CHRD: variants seen among roughly 807,000 people sequenced by gnomAD.
CHRD encodes the protein chordin.
In CHRD, 69 loss-of-function variants were observed where a neutral mutation model predicts 113.7. The observed-to-expected ratio is 0.61, with a 90% confidence interval of 0.50 to 0.74. The LOEUF is 0.74. Among genes scored for constraint, CHRD ranks in the 30% least tolerant of loss-of-function variants. The probability of loss-of-function intolerance (pLI) is 0.00; values close to 1 mark genes in which losing one functional copy is unlikely to be tolerated. For missense variants in CHRD, 1,194 were observed against 1,295.8 expected (o/e 0.92, Z 1.21); for synonymous variants, 561 against 540.8 (o/e 1.04, Z -0.52).
Position 184,388,871 on chromosome 3 carries a change from T to C in CHRD, c.2710-22T>C, listed in dbSNP as rs1020181514. ...CCCAGTGCCTCTGGGGGACACTCAG[T>C]GTCTGCTCTGTCTTGTACCAGGCAG... On this transcript the variant is annotated intron_variant, in intron 21 of 22. Transcript: ENST00000204604. The surrounding 1 kb of genome is among the most constrained non-coding windows in gnomAD (Gnocchi z 6.1). 3 of 1,609,234 alleles carry C rather than the reference T, an allele frequency of 1.9e-6. No individual in the cohort carries two copies. Among genetic ancestry groups the C allele is most frequent in the Non-Finnish European group, 2.6e-6 (3 of 1,176,326 alleles).
At position 184,387,537 on chromosome 3, in the gene CHRD, G is replaced by A; in HGVS notation, c.2451+60G>A. On this transcript the variant is annotated intron_variant, in intron 19 of 22. Transcript: ENST00000204604. The surrounding 1 kb of genome is among the most constrained non-coding windows in gnomAD (Gnocchi z 6.1). The stretch of plus-strand genomic sequence containing the variant: ...CAGCGGGGTCTGCAGAGATGGGGAG[G>A]GGCTGCCAGGTGAGGAAGGCCCGTC... The A allele has an allele frequency of 6.9e-7, 1 of 1,457,476 alleles. No homozygotes were observed. The highest frequency in any genetic ancestry group is 9.2e-7 in the Non-Finnish European group (1 of 1,086,498). The allele number at this position is 1,457,476 out of a possible 1,614,324, so 90.3% of individuals were successfully genotyped here.
Position 184,386,088 on chromosome 3 carries a change from C to T in CHRD, c.1861C>T (p.His621Tyr), listed in dbSNP as rs766916662. Residue 621 changes from histidine to tyrosine, a missense_variant, in exon 15 of 23, where the codon CAC (histidine) becomes TAC (tyrosine). His to Tyr is a moderately conservative substitution (Grantham distance 83). Transcript: ENST00000204604. Reference sequence around the variant, plus strand: ...GGACCTGGAGCCGGAACTGCTGCGGCACCTGGCAAAAGGCATGGCCTCCCT... The same window carrying T: ...GGACCTGGAGCCGGAACTGCTGCGGTACCTGGCAAAAGGCATGGCCTCCCT... The T allele has an allele frequency of 2.5e-6, 4 of 1,614,244 alleles. No individual in the cohort carries two copies. In the East Asian group the frequency reaches 6.7e-5, roughly 27 times the overall value.
chr3:184,386,038 A>G lies in CHRD; in HGVS notation c.1819-8A>G, dbSNP rs766872405. 1 of 1,614,044 alleles carries G rather than the reference A, an allele frequency of 6.2e-7. No homozygotes were observed. Among genetic ancestry groups the G allele is most frequent in the South Asian group, 1.1e-5 (1 of 91,064 alleles). ...CTTATTCCTATCCATTGTCCTGTCT[A>G]TGTGCAGGCCCAGGGTGTGGTGAAG... is the stretch of plus-strand genomic sequence containing the variant. On this transcript the variant is annotated splice_region_variant and splice_polypyrimidine_tract_variant and intron_variant, in intron 14 of 22. Coordinates refer to ENST00000204604, the Ensembl canonical transcript of CHRD.
chr3:184,388,594 G>A lies in CHRD; in HGVS notation c.2562G>A (p.Ser854=), dbSNP rs370030836. The change falls in exon 21 of 23, where the codon TCG becomes TCA. Residue 854 remains serine, a synonymous_variant. Transcript: ENST00000204604. This position sits in a 1 kb window ranked among gnomAD's most constrained non-coding sequence, Gnocchi z 6.1. ...CTCTTTCCCTCTCAACAGTGGGGTC[G>A]GGGGCCCACCCCCAGCTGGGGGACC... is the stretch of plus-strand genomic sequence containing the variant. 1.4e-5 allele frequency: 22 copies of A among 1,609,938 alleles called. No homozygotes were observed. The Admixed American group carries it at 2.2e-4, about 16-fold the overall frequency.
At chr3:184,389,485 G>A (rs1577418697) in exon 23 of CHRD, 10 of 1,479,572 alleles carry the variant, frequency 6.8e-6, no homozygotes, top group Admixed American at 1.8e-5. Flanking sequence ...GGGTGGCATC[G>A]AGGACCTTCT....
Position 184,386,036 on chromosome 3 carries a change from C to A in CHRD, c.1819-10C>A, listed in dbSNP as rs1300261653. 1.2e-6 allele frequency: 2 copies of A among 1,613,954 alleles called. No homozygotes were observed. The highest frequency in any genetic ancestry group is 1.1e-5 in the South Asian group (1 of 91,062). On this transcript the variant is annotated splice_polypyrimidine_tract_variant and intron_variant, in intron 14 of 22. Transcript: ENST00000204604. ...GCCTTATTCCTATCCATTGTCCTGT[C>A]TATGTGCAGGCCCAGGGTGTGGTGA...
exon 23 of CHRD, chr3:184,389,511 G>C (rs1349476738): frequency 8.4e-7 from 1 of 1,187,714 alleles, no homozygotes; most frequent in Non-Finnish European, 1.2e-6. Context: ...TCTCCTGTGG[G>C]AAGCCCAGTG....
Position 184,386,538 on chromosome 3 carries a change from C to T in CHRD, c.1979C>T (p.Ala660Val), listed in dbSNP as rs572817129. 1.9e-5 allele frequency: 29 copies of T among 1,532,546 alleles called. No individual in the cohort carries two copies. The South Asian group carries it at 2.2e-4, about 12-fold the overall frequency. 94.9% of individuals were successfully genotyped at this position (1,532,546 alleles called of 1,614,324 possible). ...GAGGTTGGCGGACTGCGCCTGGAGG[C>T]GGCCGGGGCCGAGGGGGTGCGGGCG... Residue 660 changes from alanine (A) to valine (V), a missense_variant, in exon 16 of 23, where the codon GCG (alanine) becomes GTG (valine). Transcript: ENST00000204604.
chr3:184,382,595 A>G (rs2108644965), intron 7 of CHRD, 39 bp from the exon 8 acceptor site: 4 of 1,609,538 alleles, frequency 2.5e-6, no homozygotes, highest in Non-Finnish European at 3.4e-6. Context: ...AAAGGGGGGG[A>G]GGGTTTCTGA....
At chr3:184,389,893 G>A (rs1285395141), downstream of CHRD, 4 of 160,714 alleles carry the variant, frequency 2.5e-5, no homozygotes, top group Admixed American at 2.4e-4. Context: ...AGAAGGGGCA[G>A]AGAGTAGGAG....
In CHRD at chr3:184,381,302, CA is replaced by C. The variant is rs1715347025; in HGVS notation, c.322del (p.Thr108ProfsTer69). 1 of 1,611,418 alleles carries C rather than the reference CA, an allele frequency of 6.2e-7. No individual in the cohort carries two copies. The highest frequency in any genetic ancestry group is 8.5e-7 in the Non-Finnish European group (1 of 1,179,234). On this transcript the variant is annotated frameshift_variant, in exon 3 of 23. Coordinates refer to ENST00000204604, the Ensembl canonical transcript of CHRD. LOFTEE classifies it high-confidence loss of function. This position sits in a 1 kb window ranked among gnomAD's most constrained non-coding sequence, Gnocchi z 4.7. ...TGCAAGAACATCAAACCAGAGTGCC[CA>C]ACCCCGGCCTGTGGGCAGCCGCGCC...
chr3:184,388,961 T>C lies in CHRD; in HGVS notation c.2778T>C (p.Ser926=). 6.2e-7 allele frequency: 1 copy of C among 1,611,340 alleles called. No homozygotes were observed. The highest frequency in any genetic ancestry group is 1.1e-5 in the South Asian group (1 of 91,002). The change falls in exon 22 of 23, where the codon AGT becomes AGC. Residue 926 remains serine, a synonymous_variant. Coordinates refer to ENST00000204604, the Ensembl canonical transcript of CHRD. This position sits in a 1 kb window ranked among gnomAD's most constrained non-coding sequence, Gnocchi z 6.1. ...TGTCCTGTGGCTCGGGGAAGGAGAGTCGATGCTGTTCCCGCTGCACGGCCC... is the reference window on the plus strand; with the variant it reads ...TGTCCTGTGGCTCGGGGAAGGAGAGCCGATGCTGTTCCCGCTGCACGGCCC...
rs766908493 is a variant in CHRD, at chr3:184,385,001, CCT to C, written c.1598-14_1598-13del. On this transcript the variant is annotated splice_polypyrimidine_tract_variant and intron_variant, in intron 13 of 22. Coordinates refer to ENST00000204604, the Ensembl canonical transcript of CHRD. Reference sequence around the variant, plus strand: ...GGCCACCTTCTCACCTGTCATCTCTCCTCTGTCTGGACCCAGCGCTGCCCGTG... The same window carrying C: ...GGCCACCTTCTCACCTGTCATCTCTCCTGTCTGGACCCAGCGCTGCCCGTG... 10 of 1,612,056 alleles carry C rather than the reference CCT, an allele frequency of 6.2e-6. No individual in the cohort carries two copies. The highest frequency in any genetic ancestry group is 1.1e-5 in the South Asian group (1 of 91,034).
At chr3:184,386,275 A>C in intron 15 of CHRD, 116 bp downstream of exon 15, 1 of 1,268,760 alleles carries the variant, frequency 7.9e-7, no homozygotes, top group East Asian at 2.5e-5. Flanking sequence ...GTCGTATCAC[A>C]GCGCCCCCCC....
At position 184,381,990 on chromosome 3, in the gene CHRD, G is replaced by A. The variant is rs768274266; in HGVS notation, c.669G>A (p.Glu223=). 5.0e-6 allele frequency: 8 copies of A among 1,613,990 alleles called. No homozygotes were observed. Among genetic ancestry groups the A allele is most frequent in the Non-Finnish European group, 5.9e-6 (7 of 1,180,034 alleles). ...ACTCCAATGGCAGTGTCCTGTTTGA[G>A]CACCCTGCAGCCCCCACCCAAGATG... The change falls in exon 6 of 23, where the codon GAG becomes GAA. Residue 223 remains glutamate (E), a synonymous_variant. Coordinates refer to ENST00000204604, the Ensembl canonical transcript of CHRD. The surrounding 1 kb of genome is among the most constrained non-coding windows in gnomAD (Gnocchi z 4.7).
At position 184,382,218 on chromosome 3, in the gene CHRD, G is replaced by A. The variant is rs367777416; in HGVS notation, c.700-171G>A. 28 of 1,246,172 alleles carry A rather than the reference G, an allele frequency of 2.2e-5. No individual in the cohort carries two copies. The East Asian group carries it at 6.1e-4, about 27-fold the overall frequency. The allele number at this position is 1,246,172 out of a possible 1,614,324, so 77.2% of individuals were successfully genotyped here. A position where few individuals can be genotyped will look rare whatever the true frequency, so the allele number is the denominator to read the frequency against. On this transcript the variant is annotated intron_variant, in intron 6 of 22. Coordinates refer to ENST00000204604, the Ensembl canonical transcript of CHRD. ...CAAGGTCACACAGCTAGTAAGTGGT[G>A]CAGCCAGGATTGGAACCCAAGCATC...
chr3:184,389,287 C>A, intron 22 of CHRD, 80 bp from the exon 23 acceptor site: 2 of 1,344,366 alleles, frequency 1.5e-6, no homozygotes, highest in Non-Finnish European at 2.1e-6. Context: ...GGCAGGGATG[C>A]TTTGCCCTGC....
Position 184,388,555 on chromosome 3 carries a change from T to TG in CHRD, c.2555-29dup. 1 of 1,596,484 alleles carries TG rather than the reference T, an allele frequency of 6.3e-7. No homozygotes were observed. Among genetic ancestry groups the TG allele is most frequent in the South Asian group, 1.1e-5 (1 of 90,062 alleles). ...ACTCATAAAACCTTGTTGGTCCTCC[T>TG]GGGCTGATCCTTTCTCTTTCCCTCT... On this transcript the variant is annotated intron_variant, in intron 20 of 22. Transcript: ENST00000204604. This position sits in a 1 kb window ranked among gnomAD's most constrained non-coding sequence, Gnocchi z 6.1.
exon 23 of CHRD, chr3:184,389,566 T>G: frequency 1.4e-6 from 1 of 699,374 alleles, no homozygotes; most frequent in Non-Finnish European, 2.4e-6. Context: ...CCACTACCTC[T>G]GGGAACCACA....
Sources: allele counts gnomAD v4.1 joint callset, GRCh38; gene constraint gnomAD v4.1.1; non-coding constraint Gnocchi (gnomAD v3.1); transcripts MANE v1.5; gene names NCBI Gene and HGNC (gene_info 2026-07-23, HGNC 2026-07-21).